The following ZNF385D variants were observed in gnomAD, a reference collection of about 807,000 sequenced individuals.
The protein encoded by ZNF385D is zinc finger protein 385D, also known as zinc finger protein 659.
A neutral mutation model predicts 35.8 loss-of-function variants in ZNF385D; 15 were observed. The ratio of observed to expected loss-of-function variants is 0.42; its 90% CI spans 0.28 to 0.64. ZNF385D has a LOEUF of 0.64. Ranked by LOEUF, ZNF385D falls within the 30% of genes least tolerant of loss-of-function variation. The pLI is 0.23. For missense variants in ZNF385D, 474 were observed against 494.6 expected (o/e 0.96, Z 0.39); for synonymous variants, 212 against 186.8 (o/e 1.13, Z -1.10).
intron 2 of ZNF385D, among the ~76,000 whole-genome samples, chr3:22,241,241 A>C (rs1217479751): frequency 6.6e-6 from 1 of 151,242 alleles, no homozygotes; most frequent in Non-Finnish European, 1.5e-5. Flanking sequence ...ACAACACTGA[A>C]AGAAAGCTGA....
In ZNF385D at chr3:21,866,196, T is replaced by C. The variant is rs145634071; in HGVS notation, c.326-201168A>G. 9.7e-3 allele frequency among the ~76,000 whole-genome samples: 1,478 copies of C among 152,166 alleles called. 16 individuals carry two copies. The highest frequency in any genetic ancestry group is 0.011 in the Non-Finnish European group (767 of 67,996). ...GGCTGGGCGCAGTGGCTCACGCCTA[T>C]AATCCCAGCACTTTGAGAGGCCGAG... On this transcript the variant is annotated intron_variant, in intron 3 of 5. Transcript: ENST00000494108.
At chr3:21,505,421 A>T (rs1706701331) in intron 4 of ZNF385D, among the ~76,000 whole-genome samples, 1 of 152,138 alleles carries the variant, frequency 6.6e-6, no homozygotes, top group South Asian at 2.1e-4. Context: ...ATAACAACTA[A>T]GGCCATGCCT....
intron 1 of ZNF385D, among the ~76,000 whole-genome samples, chr3:21,674,046 A>G (rs894621094): frequency 3.3e-5 from 5 of 152,120 alleles, no homozygotes; most frequent in African/African-American, 9.7e-5. Context: ...TTGTTTACTC[A>G]TGATCTGTAC....
chr3:21,821,966 A>C (rs1694265475), intron 3 of ZNF385D, among the ~76,000 whole-genome samples: 1 of 37,598 alleles, frequency 2.7e-5, no homozygotes, highest in African/African-American at 6.1e-5. Context: ...ACCTTGTCTC[A>C]AAAAAAAAAA....
chr3:21,786,537 C>T (rs1046720624), intron 3 of ZNF385D, among the ~76,000 whole-genome samples: 4 of 152,282 alleles, frequency 2.6e-5, no homozygotes, highest in East Asian at 1.9e-4. Context: ...CCTGAAACCA[C>T]GTAGCTTTTC....
At chr3:21,812,435 C>T (rs926610111) in intron 3 of ZNF385D, among the ~76,000 whole-genome samples, 1 of 152,218 alleles carries the variant, frequency 6.6e-6, no homozygotes, top group South Asian at 2.1e-4. Flanking sequence ...TTGGGGAATT[C>T]CCTTTCCCAG....
chr3:22,002,120 TA>T (rs35194786), intron 3 of ZNF385D, among the ~76,000 whole-genome samples: 81,913 of 150,090 alleles, frequency 0.55, 24,039 homozygotes, highest in African/African-American at 0.78. Context: ...AATAAAGACT[TA>T]AAAAAAAACA....
At chr3:22,258,659 T>A (rs1267482704) in intron 2 of ZNF385D, among the ~76,000 whole-genome samples, 2 of 151,682 alleles carry the variant, frequency 1.3e-5, no homozygotes, top group Non-Finnish European at 3.0e-5. Context: ...TAAGTAAAAA[T>A]AGCCCAAGAG....
At chr3:21,789,512 ACACACACACATATACACATGTGTAAG>A (rs1348498809) in intron 3 of ZNF385D, among the ~76,000 whole-genome samples, 5 of 152,200 alleles carry the variant, frequency 3.3e-5, no homozygotes, top group East Asian at 1.9e-4. Flanking sequence ...ACACACACAG[ACACACACACATATACACATGTGTAAG>A]CACACACACA....
At chr3:21,559,736 A>G (rs914797666) in intron 3 of ZNF385D, among the ~76,000 whole-genome samples, 1 of 152,172 alleles carries the variant, frequency 6.6e-6, no homozygotes, top group Non-Finnish European at 1.5e-5. Context: ...GTTCTCCTGG[A>G]TAATATTCTG....
intron 4 of ZNF385D, among the ~76,000 whole-genome samples, chr3:21,446,540 C>T (rs1412539317): frequency 8.0e-6 from 1 of 124,350 alleles, no homozygotes; most frequent in Non-Finnish European, 1.6e-5. Context: ...ATCATGCAGG[C>T]TGGAGTGCGG....
At chr3:21,938,560 A>G (rs183474480) in intron 3 of ZNF385D, among the ~76,000 whole-genome samples, 60 of 152,300 alleles carry the variant, frequency 3.9e-4, no homozygotes, top group African/African-American at 1.4e-3. Flanking sequence ...CTACTGTCTC[A>G]CAATGAAACT....
chr3:22,021,255 GA>G (rs948277963), intron 3 of ZNF385D, among the ~76,000 whole-genome samples: 1 of 149,560 alleles, frequency 6.7e-6, no homozygotes, highest in African/African-American at 2.5e-5. Context: ...TTTATGCAAA[GA>G]AAAAAAAAGA....
At chr3:22,066,407 C>T (rs1411123263) in intron 3 of ZNF385D, among the ~76,000 whole-genome samples, 2 of 128,478 alleles carry the variant, frequency 1.6e-5, no homozygotes, top group Admixed American at 8.1e-5. Context: ...GAGATGGTTC[C>T]CTGTGTGTGT....
chr3:22,009,452 T>A (rs539939144), intron 3 of ZNF385D, among the ~76,000 whole-genome samples: 2 of 151,946 alleles, frequency 1.3e-5, no homozygotes, highest in Non-Finnish European at 2.9e-5. Context: ...TGAAACCCCG[T>A]CTCTACTAAA....
chr3:22,195,619 A>T (rs556047846), intron 2 of ZNF385D, among the ~76,000 whole-genome samples: 1 of 151,976 alleles, frequency 6.6e-6, no homozygotes, highest in African/African-American at 2.4e-5. Context: ...TATATTCTGA[A>T]ATTTTCAAAA....
At chr3:22,287,146 GAC>G (rs1475573255) in intron 2 of ZNF385D, among the ~76,000 whole-genome samples, 3 of 151,802 alleles carry the variant, frequency 2.0e-5, no homozygotes, top group Non-Finnish European at 2.9e-5. Context: ...TTTCTTTTGT[GAC>G]AGTTTTTTTA....
intron 3 of ZNF385D, among the ~76,000 whole-genome samples, chr3:21,791,173 C>G (rs998675287): frequency 6.6e-6 from 1 of 152,080 alleles, no homozygotes; most frequent in African/African-American, 2.4e-5. Flanking sequence ...GTTTTCTGTC[C>G]TTTTCTGAGG....
intron 2 of ZNF385D, among the ~76,000 whole-genome samples, chr3:22,224,914 T>C (rs1698465744): frequency 6.6e-6 from 1 of 152,110 alleles, no homozygotes; most frequent in Non-Finnish European, 1.5e-5. Context: ...CAGGGATGCT[T>C]TTTTACTATG....
Sources: gnomAD v4.1 joint callset for allele counts (sites outside exome capture counted in the v4.1 genomes callset) on GRCh38, gnomAD v4.1.1 for gene constraint, MANE v1.5 for transcripts, NCBI Gene and HGNC (gene_info 2026-07-23, HGNC 2026-07-21) for gene names.